The following CACNA1C variants were observed in gnomAD, a reference collection of about 807,000 sequenced individuals.
CACNA1C encodes voltage-dependent L-type calcium channel subunit alpha-1C.
Under a neutral mutation model 229.0 loss-of-function variants are expected in CACNA1C, and 30 were observed. The ratio of observed to expected loss-of-function variants is 0.13; its 90% CI spans 0.10 to 0.18. The LOEUF is 0.18. Ranked by LOEUF, CACNA1C falls within the 10% of genes least tolerant of loss-of-function variation. The pLI is 1.00. For missense variants in CACNA1C, 1,658 were observed against 2,845.0 expected (o/e 0.58, Z 9.49); for synonymous variants, 1,114 against 1,132.5 (o/e 0.98, Z 0.33).
intron 3 of CACNA1C, among the ~76,000 whole-genome samples, chr12:2,189,730 A>G (rs917853604): frequency 2.0e-5 from 3 of 152,236 alleles, no homozygotes; most frequent in Admixed American, 2.0e-4. Context: ...AAAGTAAAAC[A>G]GCATGAAGTT....
intron 1 of CACNA1C, among the ~76,000 whole-genome samples, chr12:2,017,404 G>A (rs776666367): frequency 4.6e-5 from 7 of 152,150 alleles, no homozygotes; most frequent in African/African-American, 1.4e-4. Context: ...CTTCAAGAAC[G>A]CTCAAGCATT....
chr12:2,408,964 T>C (rs2098772586), intron 3 of CACNA1C, among the ~76,000 whole-genome samples: 1 of 152,204 alleles, frequency 6.6e-6, no homozygotes, highest in African/African-American at 2.4e-5. Context: ...AATATCTCTT[T>C]TGCCCAATGT....
intron 3 of CACNA1C, among the ~76,000 whole-genome samples, chr12:2,322,476 T>C (rs2096057879): frequency 6.6e-6 from 1 of 152,156 alleles, no homozygotes. Context: ...CGCTGTACAG[T>C]CATGAATCAC....
At chr12:2,246,092 A>G (rs985594488) in intron 3 of CACNA1C, among the ~76,000 whole-genome samples, 1 of 151,884 alleles carries the variant, frequency 6.6e-6, no homozygotes, top group African/African-American at 2.4e-5. Flanking sequence ...ACCACAAAGC[A>G]CCTGCCGTTA....
rs771965285 is a variant in CACNA1C at position 2,459,167 on chromosome 12, GTGT to G, written c.757+1463_757+1465del. On this transcript the variant is annotated intron_variant, in intron 5 of 46. Coordinates refer to ENST00000399655, the MANE Select transcript of CACNA1C (RefSeq NM_000719.7). ...CCAGCTAATTTTTGTTTTTTTGTGT[GTGT>G]TTTTTTTTTTTTTTTTTTGTATTTT... Among the ~76,000 whole-genome samples the G allele has an allele frequency of 8.6e-3, 861 of 100,150 alleles. 5 individuals carry two copies. Among genetic ancestry groups the G allele is most frequent in the African/African-American group, 0.036 (817 of 22,828 alleles). 65.7% of individuals were successfully genotyped at this position (100,150 alleles called of 152,430 possible).
At chr12:1,989,189 G>C (rs1046762253) in intron 1 of CACNA1C, among the ~76,000 whole-genome samples, 1 of 152,118 alleles carries the variant, frequency 6.6e-6, no homozygotes, top group Non-Finnish European at 1.5e-5. Context: ...TTTGAAACCA[G>C]CCTGGGAAAC....
chr12:2,430,097 GT>G (rs1263743584), intron 3 of CACNA1C, among the ~76,000 whole-genome samples: 4 of 152,126 alleles, frequency 2.6e-5, no homozygotes, highest in Non-Finnish European at 5.9e-5. Context: ...TTTTTGGTGT[GT>G]CCTCACATGG....
At chr12:2,153,109 A>G (rs1274505402) in intron 3 of CACNA1C, among the ~76,000 whole-genome samples, 1 of 152,180 alleles carries the variant, frequency 6.6e-6, no homozygotes, top group African/African-American at 2.4e-5. Flanking sequence ...TAACTTTAAT[A>G]ATCAATTTTA....
At chr12:2,196,333 C>T (rs1348185837) in intron 3 of CACNA1C, among the ~76,000 whole-genome samples, 11 of 152,194 alleles carry the variant, frequency 7.2e-5, no homozygotes, top group Admixed American at 3.9e-4. Context: ...TTCTCTGCTA[C>T]GCTCAGGTGA....
At chr12:2,544,735 G>A (rs962004962) in intron 9 of CACNA1C, among the ~76,000 whole-genome samples, 4 of 152,152 alleles carry the variant, frequency 2.6e-5, no homozygotes, top group African/African-American at 9.7e-5. Context: ...GCAAAAAGTC[G>A]AGATGCTTGA....
rs1419531101 is a variant in CACNA1C, at chr12:2,488,034, T to A, written c.916+1772T>A. On this transcript the variant is annotated intron_variant, in intron 6 of 46. Coordinates refer to ENST00000399655, the MANE Select transcript of CACNA1C (RefSeq NM_000719.7). The surrounding 1 kb of genome is among the most constrained non-coding windows in gnomAD (Gnocchi z 4.0). ...GGAGTCTCAAAGATTCCCCATCAGT[T>A]CAGCAGTGAATGATGGTGAGGCCCT... Among the ~76,000 whole-genome samples the A allele has an allele frequency of 2.6e-5, 4 of 152,150 alleles. No homozygotes were observed. In the East Asian group the frequency reaches 7.7e-4, roughly 29 times the overall value.
At chr12:2,426,214 C>T (rs1567612989) in intron 3 of CACNA1C, among the ~76,000 whole-genome samples, 2 of 152,172 alleles carry the variant, frequency 1.3e-5, no homozygotes, top group Non-Finnish European at 2.9e-5. Context: ...GGGTTAAAAA[C>T]TGGGGGGTCT....
chr12:2,277,416 C>T (rs1466342299), intron 3 of CACNA1C, among the ~76,000 whole-genome samples: 1 of 129,306 alleles, frequency 7.7e-6, no homozygotes, highest in African/African-American at 3.0e-5. Flanking sequence ...CACACACACA[C>T]ACACACACAC....
chr12:2,646,004 A>T lies in CACNA1C; in HGVS notation c.3913-2471A>T, dbSNP rs927893807. The stretch of plus-strand genomic sequence containing the variant: ...TTCTTCCTCTTTCTACTGTCCTCAT[A>T]GCTGCTCCTGACTTTCTCTTGTCTG... On this transcript the variant is annotated intron_variant, in intron 30 of 46. Coordinates refer to ENST00000399655, the MANE Select transcript of CACNA1C (RefSeq NM_000719.7). The surrounding 1 kb of genome is among the most constrained non-coding windows in gnomAD (Gnocchi z 4.6). Among the ~76,000 whole-genome samples, 1 of 152,196 alleles carries T rather than the reference A, an allele frequency of 6.6e-6. No homozygotes were observed. Among genetic ancestry groups the T allele is most frequent in the Non-Finnish European group, 1.5e-5 (1 of 68,038 alleles).
chr12:2,396,798 G>A (rs531552297), intron 3 of CACNA1C, among the ~76,000 whole-genome samples: 76 of 152,212 alleles, frequency 5.0e-4, no homozygotes, highest in Non-Finnish European at 8.7e-4. Flanking sequence ...AAGCCTGGCC[G>A]AGCCACACCA....
At chr12:2,051,966 T>G (rs544537392), upstream of CACNA1C, among the ~76,000 whole-genome samples, 2 of 152,200 alleles carry the variant, frequency 1.3e-5, no homozygotes, top group African/African-American at 4.8e-5. Context: ...CGAGGAGGTC[T>G]TATGTGGAGG....
At chr12:2,390,989 T>G (rs2098470521) in intron 3 of CACNA1C, among the ~76,000 whole-genome samples, 1 of 152,148 alleles carries the variant, frequency 6.6e-6, no homozygotes, top group Non-Finnish European at 1.5e-5. Flanking sequence ...TGGTGGTGTG[T>G]TGCTTCTGAA....
intron 7 of CACNA1C, among the ~76,000 whole-genome samples, chr12:2,500,803 C>T (rs894793532): frequency 7.2e-5 from 11 of 152,090 alleles, no homozygotes; most frequent in South Asian, 2.1e-4. Context: ...TTCAGGGTGC[C>T]GGCGTGCCCT....
intron 3 of CACNA1C, among the ~76,000 whole-genome samples, chr12:2,267,998 C>T (rs147003281): frequency 1.3e-5 from 2 of 152,246 alleles, no homozygotes; most frequent in East Asian, 1.9e-4. Flanking sequence ...GTGTGTTTTT[C>T]CCCCTGTTGT....
Sources: gnomAD v4.1 joint callset for allele counts (sites outside exome capture counted in the v4.1 genomes callset) on GRCh38, gnomAD v4.1.1 for gene constraint, Gnocchi (gnomAD v3.1) non-coding constraint, MANE v1.5 for transcripts, NCBI Gene and HGNC (gene_info 2026-07-23, HGNC 2026-07-21) for gene names.